The following ACER1 variants were observed in gnomAD, a reference collection of about 807,000 sequenced individuals.
The protein encoded by ACER1 is CTB-180A7.3.
ACER1 carries 28 observed loss-of-function variants against 24.9 expected under a neutral mutation model. The ratio of observed to expected loss-of-function variants is 1.13; its 90% confidence interval spans 0.83 to 1.54. The LOEUF (loss-of-function observed/expected upper bound fraction) is 1.54, where lower values mean the gene tolerates loss of function less well. Ranked by LOEUF, ACER1 falls within the 40% of genes most tolerant of loss-of-function variation. The probability of loss-of-function intolerance (pLI) is 0.00; values close to 1 mark genes in which losing one functional copy is unlikely to be tolerated. For synonymous variants in ACER1, 132 were observed against 131.4 expected (o/e 1.00, Z -0.03); for missense variants, 352 against 349.3 (o/e 1.01, Z -0.06).
chr19:6,311,339 A>T (rs547405073), intron 3 of ACER1, among the ~76,000 whole-genome samples: 4 of 151,804 alleles, frequency 2.6e-5, no homozygotes, highest in Middle Eastern at 3.4e-3. Flanking sequence ...AGATCAGGAG[A>T]TCGAGACCAG....
At chr19:6,322,764 C>T (rs1250372993) in intron 1 of ACER1, among the ~76,000 whole-genome samples, 1 of 152,156 alleles carries the variant, frequency 6.6e-6, no homozygotes, top group Non-Finnish European at 1.5e-5. Context: ...TGGGTCTGTC[C>T]TGCTCTGTTC....
intron 4 of ACER1, among the ~76,000 whole-genome samples, chr19:6,307,710 G>A (rs2091558812): frequency 6.6e-6 from 1 of 151,966 alleles, no homozygotes; most frequent in Non-Finnish European, 1.5e-5. Flanking sequence ...AGGATCATTT[G>A]AGCCCAGGAG....
chr19:6,344,066 A>G, the ACER1 span: 2 of 152,134 alleles, frequency 1.3e-5, no homozygotes, highest in Non-Finnish European at 2.9e-5. Flanking sequence ...GGAGCTCAAG[A>G]CAGGTGGATC....
chr19:6,360,254 C>CA, the ACER1 span: 1 of 152,044 alleles, frequency 6.6e-6, no homozygotes, highest in East Asian at 1.9e-4. Flanking sequence ...CACAGGTGGC[C>CA]AAAAAATGAA....
In ACER1 at chr19:6,312,229, G is replaced by A. The variant is rs200361544; in HGVS notation, c.270C>T (p.Ile90=). 1.7e-5 allele frequency: 27 copies of A among 1,614,122 alleles called. No homozygotes were observed. In the Admixed American group the frequency reaches 2.5e-4, roughly 15 times the overall value. The change falls in exon 3 of 6, where the codon ATC becomes ATT. Residue 90 remains isoleucine, a synonymous_variant. Coordinates refer to ENST00000301452, the MANE Select transcript of ACER1 (RefSeq NM_133492.3). ...LSFLGQLLDE[I]AILWLLGSGY... The stretch of plus-strand genomic sequence containing the variant: ...CACTGCCCAGGAGCCACAGGATGGC[G>A]ATCTCGTCCAGCAGCTGGCCCAGGA...
chr19:6,319,616 G>A (rs1293371133), intron 1 of ACER1, among the ~76,000 whole-genome samples: 2 of 152,042 alleles, frequency 1.3e-5, no homozygotes, highest in African/African-American at 2.4e-5. Context: ...TTCTCGGGGT[G>A]TATACAGTCA....
chr19:6,313,010 A>G (rs2091589377), intron 1 of ACER1, among the ~76,000 whole-genome samples: 3 of 152,110 alleles, frequency 2.0e-5, no homozygotes. Context: ...TCAGCTGGTC[A>G]TCCATAGATC....
chr19:6,342,740 C>A, the ACER1 span, among the ~76,000 whole-genome samples: 32 of 151,820 alleles, frequency 2.1e-4, no homozygotes, highest in Admixed American at 6.6e-4. Flanking sequence ...TAAATAAATA[C>A]AATAAAATAA....
chr19:6,310,089 C>T (rs979265718), intron 3 of ACER1, among the ~76,000 whole-genome samples: 6 of 151,776 alleles, frequency 4.0e-5, no homozygotes, highest in Admixed American at 3.3e-4. Context: ...TGGTGAAACC[C>T]CATTTCTTTT....
chr19:6,348,465 G>GA, the ACER1 span, among the ~76,000 whole-genome samples: 4,253 of 101,830 alleles, frequency 0.042, 137 homozygotes, highest in Admixed American at 0.12. Flanking sequence ...ACTCCATCTG[G>GA]AAAAAAAAAA....
intron 1 of ACER1, among the ~76,000 whole-genome samples, chr19:6,314,872 T>TTTTATTTA (rs141253604): frequency 0.019 from 2,841 of 150,204 alleles, 84 homozygotes; most frequent in African/African-American, 0.063. Flanking sequence ...CACAATGGAA[T>TTTTATTTA]TTTATTTATT....
chr19:6,323,075 GC>G (rs1466149527), intron 1 of ACER1, among the ~76,000 whole-genome samples: 1 of 152,018 alleles, frequency 6.6e-6, no homozygotes, highest in Non-Finnish European at 1.5e-5. Flanking sequence ...TCACGCCATT[GC>G]ACTCCAGCCT....
intron 1 of ACER1, among the ~76,000 whole-genome samples, chr19:6,326,069 C>T (rs2091659762): frequency 6.6e-6 from 1 of 151,514 alleles, no homozygotes; most frequent in African/African-American, 2.4e-5. Context: ...ATTCTTCTGC[C>T]TCAGCCTCCG....
intron 1 of ACER1, among the ~76,000 whole-genome samples, chr19:6,331,765 G>A (rs547117826): frequency 6.6e-6 from 1 of 151,280 alleles, no homozygotes; most frequent in Non-Finnish European, 1.5e-5. Context: ...TTACATTCCA[G>A]CCTAGGTGAC....
intron 1 of ACER1, 98 bp downstream of exon 1, chr19:6,333,361 G>T: frequency 9.9e-7 from 1 of 1,005,410 alleles, no homozygotes; most frequent in Non-Finnish European, 1.4e-6. Flanking sequence ...TGAGACAGGT[G>T]AACCACTCCA....
At chr19:6,326,163 T>C (rs1428262659) in intron 1 of ACER1, among the ~76,000 whole-genome samples, 1 of 147,362 alleles carries the variant, frequency 6.8e-6, no homozygotes, top group African/African-American at 2.5e-5. Flanking sequence ...TCTCGCTCTG[T>C]AGCCCAGGCT....
At chr19:6,331,955 T>C (rs556258722) in intron 1 of ACER1, among the ~76,000 whole-genome samples, 4 of 150,080 alleles carry the variant, frequency 2.7e-5, no homozygotes, top group African/African-American at 1.0e-4. Context: ...CGTGATCATT[T>C]GTGCATTCCT....
At chr19:6,356,243 T>C in the ACER1 span, among the ~76,000 whole-genome samples, 1 of 149,156 alleles carries the variant, frequency 6.7e-6, no homozygotes, top group Non-Finnish European at 1.5e-5. Context: ...CGGTGCAAGA[T>C]GTGCTTTGTT....
the ACER1 span, among the ~76,000 whole-genome samples, chr19:6,354,168 C>A: frequency 1.3e-5 from 2 of 151,576 alleles, no homozygotes; most frequent in South Asian, 2.1e-4. Flanking sequence ...GACAACAGAG[C>A]AAGAGACCAT....
Sources: gnomAD v4.1 joint callset for allele counts (sites outside exome capture counted in the v4.1 genomes callset) on GRCh38, gnomAD v4.1.1 for gene constraint, MANE v1.5 for transcripts, NCBI Gene and HGNC (gene_info 2026-07-23, HGNC 2026-07-21) for gene names.